The following RPIA variants were observed in gnomAD, a reference collection of about 807,000 sequenced individuals.
RPIA encodes ribose 5-phosphate isomerase A.
A neutral mutation model predicts 37.8 loss-of-function variants in RPIA; 29 were observed. The ratio of observed to expected loss-of-function variants is 0.77; its 90% CI spans 0.57 to 1.05. The LOEUF (loss-of-function observed/expected upper bound fraction) is 1.05, where lower values mean the gene tolerates loss of function less well. Ranked by LOEUF, RPIA falls within the 50% of genes least tolerant of loss-of-function variation. RPIA has a pLI of 0.00. For synonymous variants in RPIA, 167 were observed against 157.0 expected (o/e 1.06, Z -0.48); for missense variants, 385 against 413.6 (o/e 0.93, Z 0.60).
At chr2:88,712,910 C>A (rs1030312875) in intron 3 of RPIA, among the ~76,000 whole-genome samples, 2 of 151,710 alleles carry the variant, frequency 1.3e-5, no homozygotes, top group South Asian at 4.2e-4. Flanking sequence ...CTGTTGTCAT[C>A]CAGGCTGGAG....
chr2:88,711,920 G>T (rs1392575714), intron 3 of RPIA, among the ~76,000 whole-genome samples: 1 of 152,154 alleles, frequency 6.6e-6, no homozygotes, highest in African/African-American at 2.4e-5. Context: ...TGTGAGGATT[G>T]CTTGAGCTCA....
intron 3 of RPIA, among the ~76,000 whole-genome samples, chr2:88,722,837 T>G (rs887716977): frequency 6.6e-6 from 1 of 152,216 alleles, no homozygotes; most frequent in African/African-American, 2.4e-5. Flanking sequence ...TTCTGAATTC[T>G]TTAAAGGGGT....
intron 3 of RPIA, among the ~76,000 whole-genome samples, chr2:88,706,066 A>C (rs1324962132): frequency 6.6e-6 from 1 of 152,162 alleles, no homozygotes; most frequent in Non-Finnish European, 1.5e-5. Flanking sequence ...ACAGATGCTG[A>C]GGAGGCTGTG....
Position 88,736,609 on chromosome 2 carries a change from C to T in RPIA, c.671C>T (p.Pro224Leu). ...PIEVIPMAYV[P>L]VSRAVSQKFG... The stretch of plus-strand genomic sequence containing the variant: ...GAGGTCATCCCAATGGCCTATGTCC[C>T]AGTGAGCCGAGCTGTGAGCCAGAAG... The change falls in exon 7 of 9, where the codon CCA becomes CTA. Residue 224 changes from proline to leucine, a missense_variant. Physicochemically the swap from Pro to Leu is moderately conservative, Grantham distance 98. Around this residue, in one of 2 missense-constraint regions of RPIA, gnomAD observed 153 missense variants for 210.6 expected, o/e 0.73. Coordinates refer to ENST00000283646, the MANE Select transcript of RPIA (RefSeq NM_144563.3). The T allele has an allele frequency of 6.2e-7, 1 of 1,614,138 alleles. No individual in the cohort carries two copies. The highest frequency in any genetic ancestry group is 2.2e-5 in the East Asian group (1 of 44,862).
At chr2:88,734,288 A>C (rs1673288970) in intron 4 of RPIA, among the ~76,000 whole-genome samples, 1 of 152,154 alleles carries the variant, frequency 6.6e-6, no homozygotes, top group Admixed American at 6.5e-5. Context: ...GCTTGTCCAC[A>C]GAGAAGCCCA....
intron 1 of RPIA, among the ~76,000 whole-genome samples, chr2:88,693,923 G>A (rs1676978977): frequency 6.6e-6 from 1 of 152,236 alleles, no homozygotes; most frequent in Non-Finnish European, 1.5e-5. Context: ...TGCAGAACTA[G>A]GCTCTTCTGA....
intron 1 of RPIA, among the ~76,000 whole-genome samples, chr2:88,695,915 G>A (rs1171100132): frequency 1.3e-5 from 2 of 151,778 alleles, no homozygotes; most frequent in African/African-American, 4.9e-5. Context: ...TGGTTGTGGG[G>A]ACATTAGTAT....
chr2:88,703,524 C>A (rs371957597), intron 3 of RPIA, among the ~76,000 whole-genome samples: 1 of 152,210 alleles, frequency 6.6e-6, no homozygotes, highest in Admixed American at 6.5e-5. Context: ...AGCTACAGCC[C>A]GAGCTCTACA....
At chr2:88,692,018 G>T in intron 1 of RPIA, 35 bp downstream of exon 1, 1 of 1,549,606 alleles carries the variant, frequency 6.5e-7, no homozygotes, top group Non-Finnish European at 8.7e-7. Context: ...CGGGGCGCAT[G>T]TCCTTGGCGT....
intron 3 of RPIA, among the ~76,000 whole-genome samples, chr2:88,713,893 G>T (rs1672999305): frequency 6.8e-6 from 1 of 146,466 alleles, no homozygotes; most frequent in South Asian, 2.2e-4. Flanking sequence ...GTAGGATCTT[G>T]TTCTTGTTTT....
rs76080277 is a variant in RPIA, at chr2:88,714,996, G to A, written c.403-14282G>A. ...TAGAGGTATAACAAGTTTTAAATTA[G>A]CCTTTCAACCAGTCTTCTCTTTTTT... On this transcript the variant is annotated intron_variant, in intron 3 of 8. Coordinates refer to ENST00000283646, the MANE Select transcript of RPIA (RefSeq NM_144563.3). 6.5e-3 allele frequency among the ~76,000 whole-genome samples: 997 copies of A among 152,322 alleles called. 8 individuals carry two copies. The highest frequency in any genetic ancestry group is 0.023 in the African/African-American group (969 of 41,582).
At chr2:88,699,726 A>G (rs1672804775) in intron 2 of RPIA, among the ~76,000 whole-genome samples, 1 of 152,218 alleles carries the variant, frequency 6.6e-6, no homozygotes, top group Admixed American at 6.5e-5. Context: ...AAGAGTTCAT[A>G]TATACAAAGT....
chr2:88,738,274 T>C (rs1265686386), intron 8 of RPIA, among the ~76,000 whole-genome samples, 198 bp downstream of exon 8: 1 of 152,236 alleles, frequency 6.6e-6, no homozygotes, highest in African/African-American at 2.4e-5. Context: ...GTTGCTTACC[T>C]AGCAGCTTTG....
At chr2:88,735,800 C>T in intron 6 of RPIA, 63 bp downstream of exon 6, 1 of 1,508,604 alleles carries the variant, frequency 6.6e-7, no homozygotes, top group Non-Finnish European at 9.2e-7. Context: ...AGCCGCATCC[C>T]CATTTTTGTG....
chr2:88,749,363 A>G (rs931377335), intron 8 of RPIA, among the ~76,000 whole-genome samples: 4 of 152,166 alleles, frequency 2.6e-5, no homozygotes, highest in Admixed American at 1.3e-4. Flanking sequence ...GATTTTGAGC[A>G]TCTTTTAAAA....
At chr2:88,739,918 C>T (rs1673362660) in intron 8 of RPIA, among the ~76,000 whole-genome samples, 2 of 152,120 alleles carry the variant, frequency 1.3e-5, no homozygotes. Flanking sequence ...CCCAATTCTA[C>T]TTTAGTTTGT....
At chr2:88,714,289 G>T (rs1358808479) in intron 3 of RPIA, among the ~76,000 whole-genome samples, 1 of 152,048 alleles carries the variant, frequency 6.6e-6, no homozygotes, top group African/African-American at 2.4e-5. Context: ...TCTTGTCTCA[G>T]CCTCCAAGTA....
intron 3 of RPIA, among the ~76,000 whole-genome samples, chr2:88,705,382 A>G (rs1254527002): frequency 6.6e-6 from 1 of 152,220 alleles, no homozygotes; most frequent in African/African-American, 2.4e-5. Context: ...CCAATGGAAC[A>G]GAGTAGAGAT....
At chr2:88,708,159 T>C (rs1485861317) in intron 3 of RPIA, among the ~76,000 whole-genome samples, 1 of 152,208 alleles carries the variant, frequency 6.6e-6, no homozygotes. Flanking sequence ...AGTTCAGGCC[T>C]GGTCTGGTAA....
Sources: gnomAD v4.1 joint callset for allele counts (sites outside exome capture counted in the v4.1 genomes callset) on GRCh38, gnomAD v4.1.1 for gene constraint, gnomAD v4.1.1 regional missense constraint, MANE v1.5 for transcripts, NCBI Gene and HGNC (gene_info 2026-07-23, HGNC 2026-07-21) for gene names.